The following ERI3 variants were observed in gnomAD, a reference collection of about 807,000 sequenced individuals.
ERI3 encodes ERI1 exoribonuclease 3.
ERI3 carries 18 observed loss-of-function variants against 44.4 expected under a neutral mutation model. The ratio of observed to expected loss-of-function variants is 0.41; its 90% confidence interval spans 0.28 to 0.60. The LOEUF (loss-of-function observed/expected upper bound fraction) is 0.60. Ranked by LOEUF, ERI3 falls within the 20% of genes least tolerant of loss-of-function variation. The probability of loss-of-function intolerance (pLI) is 0.36; values close to 1 mark genes in which losing one functional copy is unlikely to be tolerated. For missense variants in ERI3, 294 were observed against 435.5 expected (o/e 0.68, Z 2.89); for synonymous variants, 183 against 164.8 (o/e 1.11, Z -0.84).
chr1:44,259,188 T>C (rs1007049916), intron 7 of ERI3, among the ~76,000 whole-genome samples: 2 of 152,078 alleles, frequency 1.3e-5, no homozygotes, highest in Admixed American at 1.3e-4. Flanking sequence ...ACAAGACACA[T>C]AAGCTTTTAT....
chr1:44,327,975 A>G (rs1269746724), intron 3 of ERI3, among the ~76,000 whole-genome samples: 1 of 152,210 alleles, frequency 6.6e-6, no homozygotes, highest in Non-Finnish European at 1.5e-5. Flanking sequence ...TGGTCAGACT[A>G]CTTGGCCAGG....
At chr1:44,271,960 G>C (rs146302962) in intron 7 of ERI3, among the ~76,000 whole-genome samples, 1 of 152,290 alleles carries the variant, frequency 6.6e-6, no homozygotes, top group Non-Finnish European at 1.5e-5. Context: ...CATGAACTCT[G>C]CTGTGAGAGT....
In ERI3 at chr1:44,319,736, G is replaced by A. The variant is rs749620060; in HGVS notation, c.498C>T (p.Ile166=). 6.2e-6 allele frequency: 10 copies of A among 1,610,256 alleles called. No homozygotes were observed. The highest frequency in any genetic ancestry group is 4.4e-5 in the South Asian group (4 of 90,960). ...CATTTAGCTTTAGGATGGGGAACTC[G>A]ATGATTTCCTGGAGTGCCAAAGATA... ...DKPQIHPQEI[I]EFPILKLNGR... Residue 166 remains isoleucine, a synonymous_variant, in exon 4 of 9, where the codon ATC becomes ATT. Coordinates refer to ENST00000372257, the MANE Select transcript of ERI3 (RefSeq NM_024066.3).
chr1:44,353,821 GT>G (rs1331467088), intron 1 of ERI3: 38 of 985,258 alleles, frequency 3.9e-5, no homozygotes, highest in Non-Finnish European at 4.6e-5. Flanking sequence ...CTGAGCTCCA[GT>G]GAAGCACCAC....
intron 8 of ERI3, among the ~76,000 whole-genome samples, chr1:44,232,810 A>G (rs1222662264): frequency 1.3e-5 from 2 of 152,220 alleles, no homozygotes; most frequent in African/African-American, 4.8e-5. Context: ...GGAAAACTAA[A>G]AACGTAGTCT....
At chr1:44,313,549 T>C (rs991763436) in intron 4 of ERI3, among the ~76,000 whole-genome samples, 1 of 152,246 alleles carries the variant, frequency 6.6e-6, no homozygotes, top group Non-Finnish European at 1.5e-5. Flanking sequence ...AAATTGATGT[T>C]ACATGTCTTT....
In ERI3 at chr1:44,329,991, C is replaced by T. The variant is rs945388399; in HGVS notation, c.489+9054G>A. 2.6e-5 allele frequency among the ~76,000 whole-genome samples: 4 copies of T among 152,198 alleles called. No individual in the cohort carries two copies. In the East Asian group the frequency reaches 7.7e-4, roughly 29 times the overall value. On this transcript the variant is annotated intron_variant, in intron 3 of 8. Transcript: ENST00000372257. ...TGTAACTTCTCCCCATTCTCACCAT[C>T]GCCAACCAACTAACATCCTAGTCCA...
Position 44,313,154 on chromosome 1 carries a change from G to C in ERI3, c.666+15C>G, listed in dbSNP as rs778861565. 1.3e-5 allele frequency: 21 copies of C among 1,613,458 alleles called. No homozygotes were observed. The highest frequency in any genetic ancestry group is 1.4e-5 in the Non-Finnish European group (17 of 1,179,482). On this transcript the variant is annotated intron_variant, in intron 5 of 8. Transcript: ENST00000372257. Reference sequence around the variant, plus strand: ...AAGGGGTCAGAGGTCAGGAATTAAAGGTCACTCAACCTACCTCCAGCACTT... The same window carrying C: ...AAGGGGTCAGAGGTCAGGAATTAAACGTCACTCAACCTACCTCCAGCACTT...
At chr1:44,248,116 C>T in intron 7 of ERI3, 78 bp from the exon 8 acceptor site, 2 of 916,152 alleles carry the variant, frequency 2.2e-6, no homozygotes, top group East Asian at 2.9e-5. Context: ...TTCCCCCCAC[C>T]CCCCAAATCT....
chr1:44,328,222 G>A (rs1002701934), intron 3 of ERI3, among the ~76,000 whole-genome samples: 2 of 95,340 alleles, frequency 2.1e-5, no homozygotes, highest in South Asian at 3.2e-4. Context: ...ACGGATACCC[G>A]CCCCCCACCC....
At chr1:44,308,446 T>C (rs1572240433) in intron 5 of ERI3, 45 bp from the exon 6 acceptor site, 1 of 1,525,648 alleles carries the variant, frequency 6.6e-7, no homozygotes, top group East Asian at 2.3e-5. Flanking sequence ...TTTTTTTCCC[T>C]GAGCCTGTGA....
chr1:44,321,794 C>T (rs1320175299), intron 3 of ERI3, among the ~76,000 whole-genome samples: 1 of 152,194 alleles, frequency 6.6e-6, no homozygotes, highest in Non-Finnish European at 1.5e-5. Context: ...GAAATTTAAC[C>T]TGTGACACAA....
At chr1:44,292,522 C>T (rs2154324466) in intron 6 of ERI3, among the ~76,000 whole-genome samples, 1 of 152,286 alleles carries the variant, frequency 6.6e-6, no homozygotes, top group South Asian at 2.1e-4. Flanking sequence ...CCATAGCAGA[C>T]ACAGAATGGT....
intron 7 of ERI3, among the ~76,000 whole-genome samples, chr1:44,259,678 C>T (rs1644847727): frequency 1.4e-5 from 1 of 71,252 alleles, no homozygotes; most frequent in South Asian, 5.6e-4. Context: ...CCTATCTCTA[C>T]AAAACACACA....
In ERI3 at chr1:44,235,376, C is replaced by A. The variant is rs1007732351; in HGVS notation, c.931+12563G>T. ...GGCTTGCTAGTGCTTCCTCTAGGTG[C>A]CTTCCCCCCATCCCGCCTTTGTGTT... On this transcript the variant is annotated intron_variant, in intron 8 of 8. Transcript: ENST00000372257. This position sits in a 1 kb window ranked among gnomAD's most constrained non-coding sequence, Gnocchi z 4.6. 4.6e-5 allele frequency among the ~76,000 whole-genome samples: 7 copies of A among 152,126 alleles called. No individual in the cohort carries two copies. Among genetic ancestry groups the A allele is most frequent in the Admixed American group, 2.6e-4 (4 of 15,276 alleles).
In ERI3 at chr1:44,339,012, C is replaced by A. The variant is rs528274805; in HGVS notation, c.489+33G>T. 2.7e-5 allele frequency: 43 copies of A among 1,601,526 alleles called. No homozygotes were observed. The Middle Eastern group carries it at 1.3e-3, about 50-fold the overall frequency. On this transcript the variant is annotated intron_variant, in intron 3 of 8. Coordinates refer to ENST00000372257, the MANE Select transcript of ERI3 (RefSeq NM_024066.3). ...TATCCTCCCTCCCTCCTTGCCCCCCCCACCTTTTCTAAAGCAATGATGGAA... is the reference window on the plus strand; with the variant it reads ...TATCCTCCCTCCCTCCTTGCCCCCCACACCTTTTCTAAAGCAATGATGGAA...
At chr1:44,336,778 A>T (rs1337580089) in intron 3 of ERI3, among the ~76,000 whole-genome samples, 1 of 152,260 alleles carries the variant, frequency 6.6e-6, no homozygotes, top group African/African-American at 2.4e-5. Context: ...TCTCTAAAGC[A>T]ACAGCTAATG....
intron 2 of ERI3, among the ~76,000 whole-genome samples, chr1:44,342,843 ATATATATATATATATTTTTTTTTTTTTTT>A (rs1228720503): frequency 2.6e-4 from 8 of 30,758 alleles, no homozygotes; most frequent in African/African-American, 1.3e-3. Context: ...ATATATATAT[ATATATATATATATATTTTTTTTTTTTTTT>A]TTTTTTTTTT....
At chr1:44,323,243 T>C (rs79633933) in intron 3 of ERI3, among the ~76,000 whole-genome samples, 1,841 of 152,304 alleles carry the variant, frequency 0.012, 71 homozygotes, top group East Asian at 0.068. Context: ...AGACAGGGGC[T>C]GGAGCAGGAC....
Sources: allele counts gnomAD v4.1 joint callset (sites outside exome capture counted in the v4.1 genomes callset), GRCh38; gene constraint gnomAD v4.1.1; non-coding constraint Gnocchi (gnomAD v3.1); transcripts MANE v1.5; gene names NCBI Gene and HGNC (gene_info 2026-07-23, HGNC 2026-07-21).